The following DDAH1 variants were observed in gnomAD, a reference collection of about 807,000 sequenced individuals.
DDAH1 encodes the protein N(G),N(G)-dimethylarginine dimethylaminohydrolase 1.
Under a neutral mutation model 28.8 loss-of-function variants are expected in DDAH1, and 19 were observed. That is an observed-to-expected ratio of 0.66 (90% CI 0.46 to 0.97). The LOEUF is 0.97. Ranked by LOEUF, DDAH1 falls within the 50% of genes least tolerant of loss-of-function variation. The probability of loss-of-function intolerance (pLI) is 0.00; values close to 1 mark genes in which losing one functional copy is unlikely to be tolerated. For synonymous variants in DDAH1, 153 were observed against 154.4 expected, an observed-to-expected ratio of 0.99 and a Z score of 0.07; for missense variants, 326 against 375.9, an observed-to-expected ratio of 0.87 and a Z score of 1.10.
At chr1:85,325,334 CGT>C (rs1557458974) in intron 4 of DDAH1, among the ~76,000 whole-genome samples, 1 of 150,208 alleles carries the variant, frequency 6.7e-6, no homozygotes, top group Non-Finnish European at 1.5e-5. Context: ...TAACACCACA[CGT>C]GTGTGCATGC....
chr1:85,434,084 T>G (rs1035994800), intron 1 of DDAH1, among the ~76,000 whole-genome samples: 1 of 152,204 alleles, frequency 6.6e-6, no homozygotes, highest in Non-Finnish European at 1.5e-5. Flanking sequence ...TATTGTGATT[T>G]CCTTGTTCCA....
At position 85,385,408 on chromosome 1, in the gene DDAH1, C is replaced by CT. The variant is rs138429751; in HGVS notation, c.304-26562dup. Reference sequence around the variant, plus strand: ...TAAATTATAGCTTACTGACTGTATTCTTTAACAGTTTGCTTTTAAGAAAGC... The same window carrying CT: ...TAAATTATAGCTTACTGACTGTATTCTTTTAACAGTTTGCTTTTAAGAAAGC... On this transcript the variant is annotated intron_variant, in intron 1 of 5. Transcript: ENST00000284031. Among the ~76,000 whole-genome samples the CT allele has an allele frequency of 9.3e-4, 142 of 152,290 alleles. 1 individual carries two copies. Among genetic ancestry groups the CT allele is most frequent in the Middle Eastern group, 3.4e-3 (1 of 294 alleles).
chr1:85,427,678 A>C (rs1014503748), intron 1 of DDAH1, among the ~76,000 whole-genome samples: 3 of 152,214 alleles, frequency 2.0e-5, no homozygotes, highest in Non-Finnish European at 4.4e-5. Context: ...AAAACAAACA[A>C]ACACAGTGTA....
At chr1:85,330,049 G>T (rs1647666487) in intron 4 of DDAH1, among the ~76,000 whole-genome samples, 1 of 152,182 alleles carries the variant, frequency 6.6e-6, no homozygotes, top group African/African-American at 2.4e-5. Context: ...CTTGTATGTT[G>T]TTATTGTCTG....
chr1:85,382,962 A>G (rs1288708369), intron 1 of DDAH1, among the ~76,000 whole-genome samples: 1 of 152,234 alleles, frequency 6.6e-6, no homozygotes, highest in Non-Finnish European at 1.5e-5. Flanking sequence ...TTGACAATGC[A>G]CCTGGTCACC....
At chr1:85,575,571 G>T (rs1351913482) in intron 1 of DDAH1, among the ~76,000 whole-genome samples, 2 of 152,140 alleles carry the variant, frequency 1.3e-5, no homozygotes, top group Admixed American at 1.3e-4. Flanking sequence ...AGTACATTAC[G>T]CAATTCTCAG....
At chr1:85,365,629 G>T (rs1392857169) in intron 1 of DDAH1, among the ~76,000 whole-genome samples, 1 of 152,110 alleles carries the variant, frequency 6.6e-6, no homozygotes, top group African/African-American at 2.4e-5. Flanking sequence ...TCCAAACCAA[G>T]ACATTATATA....
chr1:85,351,103 C>T (rs899972534), intron 3 of DDAH1, among the ~76,000 whole-genome samples: 4 of 150,988 alleles, frequency 2.6e-5, no homozygotes, highest in Non-Finnish European at 4.4e-5. Context: ...ACCATGTTGC[C>T]CAGGCTCATT....
intron 1 of DDAH1, among the ~76,000 whole-genome samples, chr1:85,551,785 G>A (rs536761850): frequency 1.3e-5 from 2 of 152,330 alleles, no homozygotes; most frequent in East Asian, 1.9e-4. Flanking sequence ...TTTCAGTTGG[G>A]TGTTAACTGA....
Position 85,464,728 on chromosome 1 carries a change from C to T in DDAH1, c.303+15G>A. 6.7e-7 allele frequency: 1 copy of T among 1,488,978 alleles called. No homozygotes were observed. Among genetic ancestry groups the T allele is most frequent in the Non-Finnish European group, 8.9e-7 (1 of 1,128,430 alleles). 92.2% of individuals were successfully genotyped at this position (1,488,978 alleles called of 1,614,324 possible). On this transcript the variant is annotated intron_variant, in intron 1 of 5. Transcript: ENST00000284031. This position sits in a 1 kb window ranked among gnomAD's most constrained non-coding sequence, Gnocchi z 4.4. ...TGGCGCGCGCCCCGGCCGCGCCCCT[C>T]GAGTCGGCAGTTACCTCCTTCCTCC...
intron 1 of DDAH1, among the ~76,000 whole-genome samples, chr1:85,556,017 C>G (rs531305160): frequency 6.6e-6 from 1 of 152,076 alleles, no homozygotes; most frequent in Admixed American, 6.5e-5. Context: ...ATATGAGTGG[C>G]GGGTAGAACA....
At chr1:85,547,396 C>A (rs371270126) in intron 1 of DDAH1, among the ~76,000 whole-genome samples, 3 of 152,202 alleles carry the variant, frequency 2.0e-5, no homozygotes, top group Admixed American at 6.5e-5. Context: ...CAGGGTCACA[C>A]AGTGAGTTTG....
chr1:85,545,182 G>T (rs1369930698), intron 1 of DDAH1, among the ~76,000 whole-genome samples: 1 of 152,102 alleles, frequency 6.6e-6, no homozygotes, highest in Admixed American at 6.6e-5. Context: ...AACAGAAAAT[G>T]AGCCTTTCTA....
chr1:85,481,098 G>GGTTTTT (rs1442100920), intron 2 of DDAH1, among the ~76,000 whole-genome samples: 1 of 113,460 alleles, frequency 8.8e-6, no homozygotes. Flanking sequence ...TGGGTTTTTT[G>GGTTTTT]TTTTTTTTTT....
intron 1 of DDAH1, among the ~76,000 whole-genome samples, chr1:85,571,208 A>G (rs933527302): frequency 6.6e-6 from 1 of 152,172 alleles, no homozygotes; most frequent in Non-Finnish European, 1.5e-5. Context: ...ATCCATAATG[A>G]TAAGAATTTT....
chr1:85,324,376 G>A (rs1047014906), intron 5 of DDAH1, among the ~76,000 whole-genome samples: 6 of 151,986 alleles, frequency 3.9e-5, no homozygotes, highest in Admixed American at 6.6e-5. Context: ...AGAAAACAGC[G>A]ATACCGTTGA....
chr1:85,357,158 C>T (rs2100854822), intron 2 of DDAH1, among the ~76,000 whole-genome samples: 1 of 152,330 alleles, frequency 6.6e-6, no homozygotes, highest in African/African-American at 2.4e-5. Context: ...GGGGAACTTA[C>T]TAGGCAGATT....
chr1:85,449,106 C>T (rs1467096479), intron 1 of DDAH1, among the ~76,000 whole-genome samples: 1 of 152,116 alleles, frequency 6.6e-6, no homozygotes, highest in Non-Finnish European at 1.5e-5. Context: ...GGCCCAATAG[C>T]ACAAGGCCAG....
chr1:85,408,549 T>C (rs1370823522), intron 1 of DDAH1, among the ~76,000 whole-genome samples: 1 of 152,210 alleles, frequency 6.6e-6, no homozygotes, highest in African/African-American at 2.4e-5. Flanking sequence ...TTTTCATACC[T>C]GTACATTTGA....
Sources: allele counts gnomAD v4.1 joint callset (sites outside exome capture counted in the v4.1 genomes callset), GRCh38; gene constraint gnomAD v4.1.1; non-coding constraint Gnocchi (gnomAD v3.1); transcripts MANE v1.5; gene names NCBI Gene and HGNC (gene_info 2026-07-23, HGNC 2026-07-21).